Variants in CENPV observed in about 807,000 individuals in gnomAD.
CENPV encodes the protein centromere protein V.
Under a neutral mutation model 26.4 loss-of-function variants are expected in CENPV, and 15 were observed. The observed-to-expected ratio is 0.57, with a 90% confidence interval of 0.38 to 0.88. CENPV has a LOEUF of 0.88. Ranked by LOEUF, CENPV falls within the 40% of genes least tolerant of loss-of-function variation. The probability of loss-of-function intolerance (pLI) is 0.00; values close to 1 mark genes in which losing one functional copy is unlikely to be tolerated. For missense variants in CENPV, 336 were observed against 376.5 expected (o/e 0.89, Z 0.89); for synonymous variants, 172 against 165.5 (o/e 1.04, Z -0.30).
intron 2 of CENPV, chr17:16,349,328 C>T (rs1226969029): frequency 3.0e-6 from 3 of 985,762 alleles, no homozygotes; most frequent in East Asian, 1.1e-4. Context: ...TATATAATTC[C>T]GGTACCTAGG....
chr17:16,349,000 A>G, intron 2 of CENPV: 3 of 1,055,618 alleles, frequency 2.8e-6, no homozygotes, highest in Non-Finnish European at 3.4e-6. Context: ...CACTTAGGAA[A>G]CAAATTTCAG....
At chr17:16,349,793 T>TCC in intron 2 of CENPV, 138 bp downstream of exon 2, 1 of 1,458,746 alleles carries the variant, frequency 6.9e-7, no homozygotes, top group Non-Finnish European at 9.0e-7. Flanking sequence ...AACCTTTCTG[T>TCC]CCCCATCACC....
Position 16,353,041 on chromosome 17 carries a change from G to A in CENPV, c.396C>T (p.Leu132=). Reference sequence around the variant, plus strand: ...GCCGCACTCACAAGGTGTCTAGCAGGAGCTTGGCGGCACCCTCGGAGGTAA... The same window carrying A: ...GCCGCACTCACAAGGTGTCTAGCAGAAGCTTGGCGGCACCCTCGGAGGTAA... The part of the protein sequence containing the change: ...QKLTSEGAAK[L]LLDTFEYQGL... The change falls in exon 1 of 5, where the codon CTC becomes CTT. Residue 132 remains leucine (L), a synonymous_variant. Coordinates refer to ENST00000299736, the MANE Select transcript of CENPV (RefSeq NM_181716.3). 2 of 1,576,682 alleles carry A rather than the reference G, an allele frequency of 1.3e-6. No individual in the cohort carries two copies. The highest frequency in any genetic ancestry group is 1.1e-5 in the South Asian group (1 of 88,924).
chr17:16,343,588 TCAGA>T lies in CENPV; in HGVS notation c.695-651_695-648del, dbSNP rs2093191964. 2.0e-5 allele frequency among the ~76,000 whole-genome samples: 3 copies of T among 152,324 alleles called. No homozygotes were observed. The South Asian group carries it at 6.2e-4, about 32-fold the overall frequency. On this transcript the variant is annotated intron_variant, in intron 4 of 4. Transcript: ENST00000299736. ...CTCAGGTGAGCCACCATGCCTGGCC[TCAGA>T]TAGATAACTTTCTAAGAATTAAATG...
chr17:16,353,394 G>C lies in CENPV; in HGVS notation c.43C>G (p.Gln15Glu). 1 of 813,346 alleles carries C rather than the reference G, an allele frequency of 1.2e-6. No homozygotes were observed. The highest frequency in any genetic ancestry group is 1.5e-6 in the Non-Finnish European group (1 of 655,646). The allele number at this position is 813,346 out of a possible 1,614,324, so 50.4% of individuals were successfully genotyped here. Residue 15 changes from glutamine to glutamate, a missense_variant, in exon 1 of 5, where the codon CAG becomes GAG. This residue lies in a region of CENPV where 181 missense variants were observed against 148.8 expected (regional missense o/e 1.22). Coordinates refer to ENST00000299736, the MANE Select transcript of CENPV (RefSeq NM_181716.3). ...RSSAAAKLRG[Q>E]KRSGASAAPA... ...GCCGCGGAGGCCCCGGACCGCTTCT[G>C]CCCGCGCAGCTTGGCGGCCGCAGAG... is the stretch of plus-strand genomic sequence containing the variant.
At chr17:16,343,968 C>A (rs1282474181) in intron 4 of CENPV, among the ~76,000 whole-genome samples, 1 of 152,036 alleles carries the variant, frequency 6.6e-6, no homozygotes, top group Non-Finnish European at 1.5e-5. Flanking sequence ...TCCCCAGACC[C>A]AAGCAGGCCC....
chr17:16,352,977 G>C (rs1313222402), intron 1 of CENPV, 50 bp downstream of exon 1: 1 of 1,493,812 alleles, frequency 6.7e-7, no homozygotes, highest in African/African-American at 1.5e-5. Context: ...CTCCTGCCGA[G>C]GGGGTCCGCG....
rs1352756863 is a variant in CENPV, at chr17:16,350,011, C to T, written c.429G>A (p.Val143=). 6.2e-7 allele frequency: 1 copy of T among 1,613,662 alleles called. No homozygotes were observed. The highest frequency in any genetic ancestry group is 8.5e-7 in the Non-Finnish European group (1 of 1,179,950). ...CACAGTGGCAGCCTCCTGTGTGCTT[C>T]ACCAGGCCCTGGTATTCACTAAATG... ...LLDTFEYQGL[V]KHTGGCHCGA... is the part of the protein sequence containing the mutation. The change falls in exon 2 of 5, where the codon GTG becomes GTA. Residue 143 remains valine (V), a synonymous_variant. Coordinates refer to ENST00000299736, the MANE Select transcript of CENPV (RefSeq NM_181716.3).
Position 16,348,503 on chromosome 17 carries a change from C to T in CENPV, c.579+113G>A. ...AAACCAAAGCCCGTGAGAGGCCCTG[C>T]TATGCTCCAGGCCCCTCCCATGCTA... On this transcript the variant is annotated intron_variant, in intron 3 of 4. Coordinates refer to ENST00000299736, the MANE Select transcript of CENPV (RefSeq NM_181716.3). 3 of 1,554,390 alleles carry T rather than the reference C, an allele frequency of 1.9e-6. No homozygotes were observed. In the South Asian group the frequency reaches 3.5e-5, roughly 18 times the overall value.
chr17:16,353,282 G>T lies in CENPV; in HGVS notation c.155C>A (p.Ala52Glu), dbSNP rs1209511096. Residue 52 changes from alanine to glutamate, a missense_variant, in exon 1 of 5, where the codon GCG becomes GAG. Ala to Glu is a moderately radical substitution (Grantham distance 107, BLOSUM62 -1). This residue lies in a region of CENPV where 181 missense variants were observed against 148.8 expected (regional missense o/e 1.22). Transcript: ENST00000299736. Reference protein sequence around the residue: ...SASQAGSKSQAVEKPPSEKPR... With the variant: ...SASQAGSKSQEVEKPPSEKPR... The stretch of plus-strand genomic sequence containing the variant: ...CTTCTCCGACGGCGGCTTCTCCACC[G>T]CCTGGCTCTTGCTCCCGGCCTGGCT... 4 of 1,421,574 alleles carry T rather than the reference G, an allele frequency of 2.8e-6. No homozygotes were observed. Among genetic ancestry groups the T allele is most frequent in the South Asian group, 1.4e-5 (1 of 70,574 alleles). The allele number at this position is 1,421,574 out of a possible 1,614,324, so 88.1% of individuals were successfully genotyped here. A position where few individuals can be genotyped will look rare whatever the true frequency, so the allele number is the denominator to read the frequency against.
chr17:16,353,115 G>T lies in CENPV; in HGVS notation c.322C>A (p.Leu108Met). The change falls in exon 1 of 5, where the codon CTG (leucine) becomes ATG (methionine). Residue 108 changes from leucine (L) to methionine (M), a missense_variant. Leu to Met is a conservative substitution (Grantham distance 15, BLOSUM62 2). Coordinates refer to ENST00000299736, the MANE Select transcript of CENPV (RefSeq NM_181716.3). ...TCCCAGCGCTCCCGCTGCTCGCCCA[G>T]GTCCAGGTTGGACGCCGAGGACGTC... ...TPTSSASNLD[L>M]GEQRERWETF... 1 of 1,542,800 alleles carries T rather than the reference G, an allele frequency of 6.5e-7. No homozygotes were observed. The highest frequency in any genetic ancestry group is 8.7e-7 in the Non-Finnish European group (1 of 1,147,230).
At chr17:16,348,800 A>G in intron 2 of CENPV, 115 bp from the exon 3 acceptor site, 1 of 1,519,566 alleles carries the variant, frequency 6.6e-7, no homozygotes, top group Admixed American at 2.0e-5. Flanking sequence ...TTTCAGCACC[A>G]TCCAGGGCCG....
intron 2 of CENPV, chr17:16,349,259 T>C (rs1357054875): frequency 1.0e-6 from 1 of 987,138 alleles, no homozygotes; most frequent in Non-Finnish European, 1.2e-6. Context: ...TGGACTCTAT[T>C]GTTAGTAGCC....
chr17:16,342,954 G>A lies in CENPV; in HGVS notation c.695-13C>T, dbSNP rs374037613. The A allele has an allele frequency of 5.6e-6, 9 of 1,613,838 alleles. No individual in the cohort carries two copies. The highest frequency in any genetic ancestry group is 5.1e-6 in the Non-Finnish European group (6 of 1,180,032). ...TGGGGGGCAATTCCTACGAGAAAGT[G>A]GCACAGACAAAGGGGGATCCTCAGT... On this transcript the variant is annotated splice_polypyrimidine_tract_variant and intron_variant, in intron 4 of 4. Transcript: ENST00000299736.
chr17:16,344,647 C>G lies in CENPV; in HGVS notation c.644G>C (p.Arg215Thr), dbSNP rs757747532. Reference protein sequence around the residue: ...THKAQHTFCKRCGVQSFYTPR... With the variant: ...THKAQHTFCKTCGVQSFYTPR... Reference sequence around the variant, plus strand: ...AGTATAGAAGCTCTGAACGCCACATCTCTTACAGAAGGTATGCTGGGCTTT... The same window carrying G: ...AGTATAGAAGCTCTGAACGCCACATGTCTTACAGAAGGTATGCTGGGCTTT... The change falls in exon 4 of 5, where the codon AGA becomes ACA. Residue 215 changes from arginine (R) to threonine (T), a missense_variant. Transcript: ENST00000299736. The G allele has an allele frequency of 6.2e-7, 1 of 1,600,896 alleles. No homozygotes were observed.
At chr17:16,347,891 T>C (rs1014013562) in intron 3 of CENPV, 1 of 152,180 alleles carries the variant, frequency 6.6e-6, no homozygotes, top group African/African-American at 2.4e-5. Context: ...TATATAAGCT[T>C]TTCATTGGGA....
Position 16,352,318 on chromosome 17 carries a change from G to A in CENPV, c.410+709C>T, listed in dbSNP as rs1311531679. Among the ~76,000 whole-genome samples, 5 of 152,178 alleles carry A rather than the reference G, an allele frequency of 3.3e-5. No homozygotes were observed. In the East Asian group the frequency reaches 9.6e-4, roughly 29 times the overall value. On this transcript the variant is annotated intron_variant, in intron 1 of 4. Coordinates refer to ENST00000299736, the MANE Select transcript of CENPV (RefSeq NM_181716.3). ...TCTTTCCCAAATCGCGGACACTCGA[G>A]ATGCTCCTCGGGCCATCTAAAAGAC...
chr17:16,345,265 A>G (rs1191997522), intron 3 of CENPV, among the ~76,000 whole-genome samples: 1 of 149,390 alleles, frequency 6.7e-6, no homozygotes, highest in East Asian at 2.0e-4. Flanking sequence ...CCGTCTCAAA[A>G]AAAAAAAAAA....
In CENPV at chr17:16,342,745, C is replaced by G. The variant is rs536038408; in HGVS notation, c.*72G>C. 6.9e-6 allele frequency: 11 copies of G among 1,594,448 alleles called. No individual in the cohort carries two copies. Among genetic ancestry groups the G allele is most frequent in the Non-Finnish European group, 8.6e-6 (10 of 1,164,518 alleles). On this transcript the variant is annotated 3_prime_UTR_variant, in exon 5 of 5. Coordinates refer to ENST00000299736, the MANE Select transcript of CENPV (RefSeq NM_181716.3). The stretch of plus-strand genomic sequence containing the variant: ...GGTCAGCCACATTCAGGAGCACCAC[C>G]GAGGCACGGCAGGGAGAGCAAAGTT...
Sources: gnomAD v4.1 joint callset for allele counts (sites outside exome capture counted in the v4.1 genomes callset) on GRCh38, gnomAD v4.1.1 for gene constraint, gnomAD v4.1.1 regional missense constraint, MANE v1.5 for transcripts, NCBI Gene and HGNC (gene_info 2026-07-23, HGNC 2026-07-21) for gene names.